MIB1: variants seen among roughly 807,000 people sequenced by gnomAD.
MIB1 encodes the protein MIB E3 ubiquitin protein ligase 1, also known as E3 ubiquitin-protein ligase MIB1.
A neutral mutation model predicts 124.5 loss-of-function variants in MIB1; 278 were observed. The observed-to-expected ratio is 2.23, with a 90% CI of 2.02 to 2.47. MIB1 has a LOEUF of 2.47. Ranked by LOEUF, MIB1 falls within the 30% of genes most tolerant of loss-of-function variation. The pLI, the probability that MIB1 is intolerant of heterozygous loss-of-function variation, is 0.00. For synonymous variants in MIB1, 446 were observed against 429.4 expected (o/e 1.04, Z -0.48); for missense variants, 957 against 1,254.4 (o/e 0.76, Z 3.58).
At chr18:21,706,616 C>T (rs1038811565) in intron 1 of MIB1, among the ~76,000 whole-genome samples, 1 of 152,216 alleles carries the variant, frequency 6.6e-6, no homozygotes. Context: ...CTCTGAGCGC[C>T]GGCTGGCACC....
chr18:21,863,682 C>A (rs2042296067), intron 20 of MIB1, among the ~76,000 whole-genome samples: 1 of 151,960 alleles, frequency 6.6e-6, no homozygotes, highest in African/African-American at 2.4e-5. Context: ...GAAAAGGCAA[C>A]AATCGATTGG....
upstream of MIB1, among the ~76,000 whole-genome samples, chr18:21,739,432 T>TA (rs1337943471): frequency 2.0e-5 from 3 of 152,190 alleles, no homozygotes; most frequent in African/African-American, 7.2e-5. Context: ...CCCTCCTTCG[T>TA]AAAACTCATT....
chr18:21,781,836 T>C (rs2041372190), intron 6 of MIB1, among the ~76,000 whole-genome samples: 1 of 152,210 alleles, frequency 6.6e-6, no homozygotes, highest in Non-Finnish European at 1.5e-5. Flanking sequence ...CATGATCCTT[T>C]ACATTTCTGT....
upstream of MIB1, among the ~76,000 whole-genome samples, chr18:21,739,907 T>G (rs1356966111): frequency 2.0e-5 from 3 of 150,570 alleles, no homozygotes; most frequent in Non-Finnish European, 3.0e-5. Flanking sequence ...AGTGAGACCC[T>G]GTCTCAAAAA....
At chr18:21,719,457 T>G (rs1285902713) in intron 1 of MIB1, among the ~76,000 whole-genome samples, 1 of 151,948 alleles carries the variant, frequency 6.6e-6, no homozygotes, top group Non-Finnish European at 1.5e-5. Flanking sequence ...TAAAAAAAAT[T>G]TTTTTTTGAT....
At chr18:21,713,430 CA>C (rs1028237593) in intron 1 of MIB1, among the ~76,000 whole-genome samples, 12 of 151,566 alleles carry the variant, frequency 7.9e-5, no homozygotes. Context: ...GCCAAGATGC[CA>C]AAACCCCGTC....
At chr18:21,811,210 A>G (rs1301234474) in intron 10 of MIB1, among the ~76,000 whole-genome samples, 2 of 152,104 alleles carry the variant, frequency 1.3e-5, no homozygotes, top group East Asian at 3.8e-4. Context: ...TATCAAAACA[A>G]CCAGAAAAAA....
At chr18:21,821,028 C>A (rs140232393) in intron 12 of MIB1, among the ~76,000 whole-genome samples, 47 of 152,304 alleles carry the variant, frequency 3.1e-4, no homozygotes, top group African/African-American at 1.1e-3. Flanking sequence ...TTTGCTCTCT[C>A]ACCAATTCTT....
intron 12 of MIB1, chr18:21,831,190 C>T (rs1443454775): frequency 6.6e-6 from 1 of 150,452 alleles, no homozygotes; most frequent in Non-Finnish European, 1.5e-5. Flanking sequence ...TTTTTCTTTG[C>T]CCTCCAGAAT....
chr18:21,857,300 A>G, intron 19 of MIB1, 57 bp downstream of exon 19: 1 of 1,040,780 alleles, frequency 9.6e-7, no homozygotes. Context: ...ACTTGCATAA[A>G]CACCTCTTCT....
At chr18:21,751,475 G>T (rs902822945) in intron 1 of MIB1, among the ~76,000 whole-genome samples, 5 of 151,950 alleles carry the variant, frequency 3.3e-5, no homozygotes, top group Non-Finnish European at 7.4e-5. Context: ...TGGCCAGGCT[G>T]GTCTCTGGAG....
intron 2 of MIB1, among the ~76,000 whole-genome samples, chr18:21,768,168 T>G (rs73963249): frequency 1.5e-3 from 221 of 152,364 alleles, no homozygotes; most frequent in African/African-American, 5.1e-3. Flanking sequence ...GATTTGAGTT[T>G]GCCATCTCTA....
chr18:21,820,183 T>G (rs970522907), intron 12 of MIB1, among the ~76,000 whole-genome samples: 1 of 152,218 alleles, frequency 6.6e-6, no homozygotes, highest in Non-Finnish European at 1.5e-5. Context: ...TCACATTCTT[T>G]ATGAAGGATC....
chr18:21,741,527 C>CCGGCGGCAGCGGCGG lies in MIB1; in HGVS notation c.-49_-35dup. 1.6e-6 allele frequency: 2 copies of CCGGCGGCAGCGGCGG among 1,272,108 alleles called. No homozygotes were observed. Among genetic ancestry groups the CCGGCGGCAGCGGCGG allele is most frequent in the South Asian group, 2.5e-5 (1 of 39,974 alleles). 78.8% of individuals were successfully genotyped at this position (1,272,108 alleles called of 1,614,324 possible). A position where few individuals can be genotyped will look rare whatever the true frequency, so the allele number is the denominator to read the frequency against. Reference sequence around the variant, plus strand: ...CGGGCCCAACTCCCTCACGGGCCCCCCGGCGGCAGCGGCGGCGGCGGCGGC... The same window carrying CCGGCGGCAGCGGCGG: ...CGGGCCCAACTCCCTCACGGGCCCCCCGGCGGCAGCGGCGGCGGCGGCAGCGGCGGCGGCGGCGGC... On this transcript the variant is annotated 5_prime_UTR_variant, in exon 1 of 21. Transcript: ENST00000261537. This position sits in a 1 kb window ranked among gnomAD's most constrained non-coding sequence, Gnocchi z 5.4.
At chr18:21,829,441 T>C (rs1436721664) in intron 12 of MIB1, 1 of 156,394 alleles carries the variant, frequency 6.4e-6, no homozygotes, top group Non-Finnish European at 1.4e-5. Context: ...TTTTGTAGTC[T>C]GCTTCTAGAT....
chr18:21,754,181 A>G (rs8086865), intron 1 of MIB1, among the ~76,000 whole-genome samples: 7 of 152,200 alleles, frequency 4.6e-5, no homozygotes, highest in African/African-American at 1.7e-4. Context: ...GTGTGGTATC[A>G]TTCCACCCAG....
At chr18:21,708,411 T>G (rs934438869) in intron 1 of MIB1, among the ~76,000 whole-genome samples, 3 of 152,208 alleles carry the variant, frequency 2.0e-5, no homozygotes, top group Admixed American at 6.5e-5. Flanking sequence ...CCCAGCACTT[T>G]GGGAGGCCGA....
intron 3 of MIB1, among the ~76,000 whole-genome samples, chr18:21,769,163 G>A (rs2041197992): frequency 6.6e-6 from 1 of 152,092 alleles, no homozygotes. Context: ...TGCTGTTATC[G>A]AGCCCACCTA....
chr18:21,857,365 AGTG>A, intron 19 of MIB1, 122 bp downstream of exon 19: 1 of 661,730 alleles, frequency 1.5e-6, no homozygotes, highest in Non-Finnish European at 2.7e-6. Flanking sequence ...TTGGATCCAC[AGTG>A]GAACAGGTAT....
Sources: gnomAD v4.1 joint callset for allele counts (sites outside exome capture counted in the v4.1 genomes callset) on GRCh38, gnomAD v4.1.1 for gene constraint, Gnocchi (gnomAD v3.1) non-coding constraint, MANE v1.5 for transcripts, NCBI Gene and HGNC (gene_info 2026-07-23, HGNC 2026-07-21) for gene names.